Variants in PLSCR4 observed in about 807,000 individuals in gnomAD.
PLSCR4 encodes the protein phospholipid scramblase 4, also known as Ca(2+)-dependent phospholipid scramblase 4.
Under a neutral mutation model 36.3 loss-of-function variants are expected in PLSCR4, and 25 were observed. The observed-to-expected ratio is 0.69, with a 90% CI of 0.50 to 0.96. PLSCR4 has a LOEUF of 0.96. PLSCR4 is among the 40% of genes least tolerant of loss of function. The pLI is 0.00. For missense variants in PLSCR4, 408 were observed against 414.7 expected, an observed-to-expected ratio of 0.98 and a Z score of 0.14; for synonymous variants, 122 against 132.9, an observed-to-expected ratio of 0.92 and a Z score of 0.56.
chr3:146,222,736 C>A (rs1035227001), intron 1 of PLSCR4, among the ~76,000 whole-genome samples: 16 of 152,092 alleles, frequency 1.1e-4, no homozygotes, highest in African/African-American at 3.9e-4. Flanking sequence ...GTATTTGCAA[C>A]TGGGAAGTCT....
chr3:146,229,809 A>G (rs2035633492), intron 1 of PLSCR4, among the ~76,000 whole-genome samples: 1 of 151,862 alleles, frequency 6.6e-6, no homozygotes, highest in Non-Finnish European at 1.5e-5. Context: ...CATATTTAGT[A>G]GAGATGGGGT....
chr3:146,203,154 A>T (rs1299895899), intron 4 of PLSCR4, among the ~76,000 whole-genome samples: 1 of 152,008 alleles, frequency 6.6e-6, no homozygotes, highest in East Asian at 1.9e-4. Flanking sequence ...TTTTGCCCAG[A>T]TCTGTCTGAG....
At chr3:146,227,284 T>C (rs1168494634) in intron 1 of PLSCR4, among the ~76,000 whole-genome samples, 5 of 152,122 alleles carry the variant, frequency 3.3e-5, no homozygotes, top group Non-Finnish European at 7.3e-5. Context: ...GGGCATGATA[T>C]GCATACAGGG....
intron 1 of PLSCR4, among the ~76,000 whole-genome samples, chr3:146,244,616 ATGG>A (rs140116625): frequency 0.012 from 1,787 of 152,198 alleles, 19 homozygotes; most frequent in Non-Finnish European, 0.019. Flanking sequence ...CCTATATAAG[ATGG>A]TGAACTTAGT....
intron 5 of PLSCR4, among the ~76,000 whole-genome samples, chr3:146,200,378 CATTA>C (rs1449098508): frequency 6.6e-6 from 1 of 151,768 alleles, no homozygotes; most frequent in Non-Finnish European, 1.5e-5. Context: ...TACATTTGAC[CATTA>C]ATTAATCAGT....
intron 4 of PLSCR4, among the ~76,000 whole-genome samples, chr3:146,202,858 T>C (rs1015257302): frequency 3.3e-5 from 5 of 152,050 alleles, no homozygotes; most frequent in Admixed American, 6.6e-5. Flanking sequence ...CTTTCTTTGC[T>C]TATACATAAG....
intron 3 of PLSCR4, among the ~76,000 whole-genome samples, chr3:146,218,111 A>G (rs1233466397): frequency 6.6e-6 from 1 of 152,166 alleles, no homozygotes; most frequent in East Asian, 1.9e-4. Flanking sequence ...AACAGGAAAC[A>G]ATGTCAAATG....
intron 7 of PLSCR4, 24 bp from the exon 8 acceptor site, chr3:146,195,306 T>C (rs2033672132): frequency 1.3e-6 from 2 of 1,597,824 alleles, no homozygotes; most frequent in Non-Finnish European, 1.7e-6. Context: ...AATGTGCCTT[T>C]ATGATGATTG....
Position 146,220,803 on chromosome 3 carries a change from T to C in PLSCR4, c.118+12A>G. 1 of 1,499,848 alleles carries C rather than the reference T, an allele frequency of 6.7e-7. No homozygotes were observed. The highest frequency in any genetic ancestry group is 9.3e-7 in the Non-Finnish European group (1 of 1,077,554). 92.9% of individuals were successfully genotyped at this position (1,499,848 alleles called of 1,614,324 possible). A position where few individuals can be genotyped will look rare whatever the true frequency, so the allele number is the denominator to read the frequency against. Reference sequence around the variant, plus strand: ...AGCAAAGGAGAATATCTTTTATGAATATTTAACCCACCTGGTAAAAAATGA... The same window carrying C: ...AGCAAAGGAGAATATCTTTTATGAACATTTAACCCACCTGGTAAAAAATGA... On this transcript the variant is annotated intron_variant, in intron 3 of 8. Coordinates refer to ENST00000354952, the MANE Select transcript of PLSCR4 (RefSeq NM_020353.3).
In PLSCR4 at chr3:146,194,369, A is replaced by G. The variant is rs771455947; in HGVS notation, c.*42T>C. 1.4e-6 allele frequency: 2 copies of G among 1,443,982 alleles called. No individual in the cohort carries two copies. Among genetic ancestry groups the G allele is most frequent in the South Asian group, 1.1e-5 (1 of 87,176 alleles). The allele number at this position is 1,443,982 out of a possible 1,614,324, so 89.4% of individuals were successfully genotyped here. ...ACTGTAAGCCCAATCCAACTTTTCC[A>G]TTTTTCAAAATTAACCATAGTTGAT... On this transcript the variant is annotated 3_prime_UTR_variant, in exon 9 of 9. Transcript: ENST00000354952.
chr3:146,219,960 T>C (rs539744450), intron 3 of PLSCR4, among the ~76,000 whole-genome samples: 1 of 152,016 alleles, frequency 6.6e-6, no homozygotes, highest in East Asian at 1.9e-4. Context: ...ACTTTTGCCA[T>C]TATCTTGTGC....
chr3:146,206,350 T>C (rs1482108415), intron 4 of PLSCR4, among the ~76,000 whole-genome samples, 176 bp downstream of exon 4: 1 of 152,136 alleles, frequency 6.6e-6, no homozygotes, highest in Non-Finnish European at 1.5e-5. Flanking sequence ...ATCCTTGTAC[T>C]TGCTGTTTCC....
intron 3 of PLSCR4, among the ~76,000 whole-genome samples, chr3:146,220,352 A>G (rs1020097546): frequency 3.3e-5 from 5 of 152,198 alleles, no homozygotes; most frequent in Admixed American, 1.3e-4. Context: ...ATTTCTCTGC[A>G]CATCTTCCAT....
intron 1 of PLSCR4, among the ~76,000 whole-genome samples, chr3:146,224,969 G>A (rs6792036): frequency 0.34 from 50,188 of 145,748 alleles, 8,219 homozygotes; most frequent in Admixed American, 0.37. Flanking sequence ...ACAGAGTGTC[G>A]ATTGGTGCAC....
chr3:146,206,420 T>C (rs1576456095), intron 4 of PLSCR4, 106 bp downstream of exon 4: 1 of 757,106 alleles, frequency 1.3e-6, no homozygotes, highest in East Asian at 2.5e-5. Flanking sequence ...GCATCTGTCA[T>C]CACTGACCCA....
At chr3:146,236,218 T>TGA (rs1451102724) in intron 1 of PLSCR4, among the ~76,000 whole-genome samples, 2 of 152,138 alleles carry the variant, frequency 1.3e-5, no homozygotes, top group Admixed American at 6.5e-5. Flanking sequence ...CAGAGACCTT[T>TGA]GAGGCAGCCC....
chr3:146,210,634 C>A (rs536832212), intron 3 of PLSCR4, among the ~76,000 whole-genome samples: 1 of 70,186 alleles, frequency 1.4e-5, no homozygotes, highest in South Asian at 3.9e-4. Flanking sequence ...TTAAAATGTA[C>A]AATGTAGTGG....
chr3:146,235,711 C>T lies in PLSCR4; in HGVS notation c.-21-13619G>A, dbSNP rs192205513. On this transcript the variant is annotated intron_variant, in intron 1 of 8. Coordinates refer to ENST00000354952, the MANE Select transcript of PLSCR4 (RefSeq NM_020353.3). Reference sequence around the variant, plus strand: ...GAAGAAGATGAGGGAAATATTGAAACTTCCTAGAGACTTGTTAAATTGTTG... The same window carrying T: ...GAAGAAGATGAGGGAAATATTGAAATTTCCTAGAGACTTGTTAAATTGTTG... Among the ~76,000 whole-genome samples the T allele has an allele frequency of 1.7e-3, 261 of 152,280 alleles. No homozygotes were observed. The Middle Eastern group carries it at 0.024, about 14-fold the overall frequency.
intron 1 of PLSCR4, among the ~76,000 whole-genome samples, chr3:146,250,197 C>G (rs942856223): frequency 1.3e-5 from 2 of 152,106 alleles, no homozygotes; most frequent in Admixed American, 1.3e-4. Context: ...TCCATGAGAG[C>G]AGATAGACAG....
Sources: gnomAD v4.1 joint callset for allele counts (sites outside exome capture counted in the v4.1 genomes callset) on GRCh38, gnomAD v4.1.1 for gene constraint, MANE v1.5 for transcripts, NCBI Gene and HGNC (gene_info 2026-07-23, HGNC 2026-07-21) for gene names.